PTPRT: variants seen among roughly 807,000 people sequenced by gnomAD.
PTPRT encodes the protein protein tyrosine phosphatase receptor type T.
Under a neutral mutation model 176.8 loss-of-function variants are expected in PTPRT, and 56 were observed. The ratio of observed to expected loss-of-function variants is 0.32; its 90% confidence interval spans 0.26 to 0.40. The LOEUF is 0.40. Ranked by LOEUF, PTPRT falls within the 10% of genes least tolerant of loss-of-function variation. The probability of loss-of-function intolerance (pLI) is 1.00; values close to 1 mark genes in which losing one functional copy is unlikely to be tolerated. For missense variants in PTPRT, 1,540 were observed against 1,908.2 expected (o/e 0.81, Z 3.60); for synonymous variants, 783 against 739.0 (o/e 1.06, Z -0.96).
At chr20:42,689,495 G>A (rs763037652) in intron 6 of PTPRT, among the ~76,000 whole-genome samples, 3 of 152,128 alleles carry the variant, frequency 2.0e-5, no homozygotes, top group African/African-American at 4.8e-5. Flanking sequence ...CTGGTACAGT[G>A]GGCAACTGAA....
chr20:42,810,334 C>T (rs1235586744), intron 2 of PTPRT, among the ~76,000 whole-genome samples: 1 of 151,896 alleles, frequency 6.6e-6, no homozygotes, highest in Admixed American at 6.6e-5. Context: ...TAAGAGAGTG[C>T]GAGGAGAAGA....
intron 1 of PTPRT, among the ~76,000 whole-genome samples, chr20:43,017,647 C>G (rs528916956): frequency 4.6e-5 from 7 of 152,208 alleles, no homozygotes; most frequent in Non-Finnish European, 4.4e-5. Context: ...GAAGGACAGA[C>G]GAGCTTCCTC....
intron 6 of PTPRT, among the ~76,000 whole-genome samples, chr20:42,691,111 T>A (rs1028926897): frequency 3.3e-5 from 5 of 152,190 alleles, no homozygotes; most frequent in Non-Finnish European, 7.3e-5. Context: ...TCACGTTCGA[T>A]AAAATCAATG....
intron 18 of PTPRT, among the ~76,000 whole-genome samples, chr20:42,140,231 T>A (rs1298517445): frequency 1.3e-5 from 2 of 152,158 alleles, no homozygotes; most frequent in Non-Finnish European, 2.9e-5. Context: ...GGATCCTTTT[T>A]TTTTTTCTTT....
At chr20:42,413,528 A>T (rs2059036749) in intron 9 of PTPRT, among the ~76,000 whole-genome samples, 1 of 152,166 alleles carries the variant, frequency 6.6e-6, no homozygotes, top group Non-Finnish European at 1.5e-5. Context: ...GGACGCAAAA[A>T]TTTTAAATTA....
intron 14 of PTPRT, among the ~76,000 whole-genome samples, chr20:42,239,599 T>G (rs138630364): frequency 6.6e-6 from 1 of 151,744 alleles, no homozygotes; most frequent in South Asian, 2.1e-4. Context: ...ATTTTTTGTA[T>G]TTTTAGTAGA....
At chr20:42,646,709 T>C (rs991999606) in intron 7 of PTPRT, among the ~76,000 whole-genome samples, 7 of 152,074 alleles carry the variant, frequency 4.6e-5, no homozygotes, top group Middle Eastern at 3.4e-3. Flanking sequence ...TGGATGGTGC[T>C]GCACTATAGG....
chr20:42,156,344 T>C (rs1989353073), intron 17 of PTPRT, among the ~76,000 whole-genome samples: 1 of 152,198 alleles, frequency 6.6e-6, no homozygotes. Context: ...ACAGTGTCTG[T>C]ACCCTGGAAA....
intron 9 of PTPRT, among the ~76,000 whole-genome samples, chr20:42,434,828 G>T (rs1226980891): frequency 6.6e-6 from 1 of 151,474 alleles, no homozygotes; most frequent in Non-Finnish European, 1.5e-5. Flanking sequence ...AGCCAAGCAT[G>T]GTGGCATGTG....
chr20:42,161,412 C>A lies in PTPRT; in HGVS notation c.2622G>T (p.Leu874Phe). 6.2e-7 allele frequency: 1 copy of A among 1,614,172 alleles called. No individual in the cohort carries two copies. The highest frequency in any genetic ancestry group is 8.5e-7 in the Non-Finnish European group (1 of 1,180,030). The change falls in exon 17 of 31, where the codon TTG becomes TTT. Residue 874 changes from leucine (L) to phenylalanine (F), a missense_variant. By Grantham distance (22) the Leu-to-Phe change is conservative. Coordinates refer to ENST00000373187, the MANE Select transcript of PTPRT (RefSeq NM_007050.6). ...TCTTCATCTGCGTGATGTGCTGCAG[C>A]AAGTCAGCCACCCGGATGGCGGGTT... is the stretch of plus-strand genomic sequence containing the variant. Reference protein sequence around the residue: ...QFQPAIRVADLLQHITQMKRG... With the variant: ...QFQPAIRVADFLQHITQMKRG...
intron 7 of PTPRT, among the ~76,000 whole-genome samples, chr20:42,519,404 C>G (rs536851682): frequency 6.6e-6 from 1 of 152,010 alleles, no homozygotes; most frequent in Admixed American, 6.6e-5. Flanking sequence ...GAGGTTGTTA[C>G]GTATGAAGGT....
intron 9 of PTPRT, among the ~76,000 whole-genome samples, chr20:42,412,552 T>C (rs1410151338): frequency 6.6e-6 from 1 of 152,186 alleles, no homozygotes; most frequent in South Asian, 2.1e-4. Flanking sequence ...AAATCCTGGA[T>C]ATTTATCCAA....
At chr20:42,921,854 A>T (rs8115069) in intron 1 of PTPRT, among the ~76,000 whole-genome samples, 9,642 of 152,132 alleles carry the variant, frequency 0.063, 836 homozygotes, top group African/African-American at 0.2. Context: ...GCCCTCATCA[A>T]ACTTGCTTCA....
intron 1 of PTPRT, among the ~76,000 whole-genome samples, chr20:43,139,602 C>T (rs2013938892): frequency 6.6e-6 from 1 of 152,200 alleles, no homozygotes. Flanking sequence ...CAACAGAAGG[C>T]AGTGTCCGAG....
intron 15 of PTPRT, among the ~76,000 whole-genome samples, chr20:42,227,972 T>C (rs1245321997): frequency 6.6e-6 from 1 of 152,182 alleles, no homozygotes; most frequent in Non-Finnish European, 1.5e-5. Context: ...ATTTTCTTTC[T>C]AACCACACTG....
intron 9 of PTPRT, among the ~76,000 whole-genome samples, chr20:42,390,239 C>T (rs188869412): frequency 3.3e-5 from 5 of 152,040 alleles, no homozygotes; most frequent in African/African-American, 4.8e-5. Context: ...TGAATCAACA[C>T]GTAGTAAAAG....
intron 1 of PTPRT, among the ~76,000 whole-genome samples, chr20:42,996,317 G>T (rs1984219748): frequency 6.6e-6 from 1 of 152,172 alleles, no homozygotes; most frequent in African/African-American, 2.4e-5. Context: ...AAGCAGTGAG[G>T]CTCACTCCAA....
the PTPRT span, chr20:42,063,720 A>G: frequency 1.3e-5 from 2 of 152,034 alleles, no homozygotes; most frequent in Non-Finnish European, 2.9e-5. Flanking sequence ...TGCCCTCATG[A>G]TTGTCTGGAG....
chr20:42,446,638 T>C (rs1184433834), intron 9 of PTPRT, among the ~76,000 whole-genome samples: 2 of 130,230 alleles, frequency 1.5e-5, no homozygotes, highest in African/African-American at 6.1e-5. Flanking sequence ...GAGAGAGAGA[T>C]TGTGGTTTCT....
Sources: allele counts gnomAD v4.1 joint callset (sites outside exome capture counted in the v4.1 genomes callset), GRCh38; gene constraint gnomAD v4.1.1; transcripts MANE v1.5; gene names NCBI Gene and HGNC (gene_info 2026-07-23, HGNC 2026-07-21).